The following TBC1D9B variants were observed in gnomAD, a reference collection of about 807,000 sequenced individuals.
TBC1D9B encodes the protein TBC1 domain family member 9B, also known as TBC1 domain family, member 9B (with GRAM domain).
Under a neutral mutation model 121.1 loss-of-function variants are expected in TBC1D9B, and 87 were observed. The observed-to-expected ratio is 0.72, with a 90% CI of 0.60 to 0.86. TBC1D9B has a LOEUF of 0.86. Ranked by LOEUF, TBC1D9B falls within the 40% of genes least tolerant of loss-of-function variation. The pLI is 0.00. For synonymous variants in TBC1D9B, 668 were observed against 670.1 expected (o/e 1.00, Z 0.05); for missense variants, 1,540 against 1,628.6 (o/e 0.95, Z 0.94).
At position 179,865,268 on chromosome 5, in the gene TBC1D9B, G is replaced by T. The variant is rs772208263; in HGVS notation, c.3007C>A (p.Pro1003Thr). 1 of 1,614,156 alleles carries T rather than the reference G, an allele frequency of 6.2e-7. No homozygotes were observed. Among genetic ancestry groups the T allele is most frequent in the South Asian group, 1.1e-5 (1 of 91,082 alleles). The change falls in exon 20 of 21, where the codon CCC (proline) becomes ACC (threonine). Residue 1003 changes from proline to threonine, a missense_variant. Pro to Thr is a conservative substitution (Grantham distance 38). Transcript: ENST00000355235. This position sits in a 1 kb window ranked among gnomAD's most constrained non-coding sequence, Gnocchi z 5.1. ...GTGGAGCCTACCTGGTTCATCTTGG[G>T]AAGATCCTTAATCGTCTCCTTCTGA... ...EAQKETIKDL[P>T]KMNQEQFIEL...
At chr5:179,889,579 G>A (rs371186935) in intron 6 of TBC1D9B, among the ~76,000 whole-genome samples, 1 of 152,010 alleles carries the variant, frequency 6.6e-6, no homozygotes, top group Non-Finnish European at 1.5e-5. Flanking sequence ...GCCATAAAGG[G>A]GCTAAGTGTG....
In TBC1D9B at chr5:179,865,930, G is replaced by A. The variant is rs781753394; in HGVS notation, c.2864-42C>T. The stretch of plus-strand genomic sequence containing the variant: ...ATAAAAAGAACATGAATAACATTCT[G>A]CTGTTGGGACTGCAAGCTCCTGGGG... On this transcript the variant is annotated intron_variant, in intron 18 of 20. Transcript: ENST00000355235. The surrounding 1 kb of genome is among the most constrained non-coding windows in gnomAD (Gnocchi z 5.1). 6.2e-6 allele frequency: 10 copies of A among 1,612,208 alleles called. No homozygotes were observed. Among genetic ancestry groups the A allele is most frequent in the Non-Finnish European group, 8.5e-6 (10 of 1,178,514 alleles).
In TBC1D9B at chr5:179,904,648, C is replaced by A; in HGVS notation, c.229+54G>T. The stretch of plus-strand genomic sequence containing the variant: ...GCTACACACCCCTTCCTCTCGGCAA[C>A]GGCCCTTCCAGGGCAGGCCCTGCCC... On this transcript the variant is annotated intron_variant, in intron 2 of 20. Coordinates refer to ENST00000355235, the MANE Select transcript of TBC1D9B (RefSeq NM_015043.4). The surrounding 1 kb of genome is among the most constrained non-coding windows in gnomAD (Gnocchi z 4.2). 6.8e-7 allele frequency: 1 copy of A among 1,476,484 alleles called. No individual in the cohort carries two copies. Among genetic ancestry groups the A allele is most frequent in the Non-Finnish European group, 9.2e-7 (1 of 1,082,530 alleles). 91.5% of individuals were successfully genotyped at this position (1,476,484 alleles called of 1,614,324 possible).
Position 179,865,738 on chromosome 5 carries a change from G to A in TBC1D9B, c.2914+100C>T, listed in dbSNP as rs189873311. 3.4e-5 allele frequency: 46 copies of A among 1,355,088 alleles called. No homozygotes were observed. In the South Asian group the frequency reaches 5.0e-4, roughly 15 times the overall value. 83.9% of individuals were successfully genotyped at this position (1,355,088 alleles called of 1,614,324 possible). A position where few individuals can be genotyped will look rare whatever the true frequency, so the allele number is the denominator to read the frequency against. ...TCGGGGGACGCATCCGCCATCTCCC[G>A]GGGTAGGGGGCTCCCTGGCAGTGAC... On this transcript the variant is annotated intron_variant, in intron 19 of 20. Transcript: ENST00000355235. This position sits in a 1 kb window ranked among gnomAD's most constrained non-coding sequence, Gnocchi z 5.1.
chr5:179,886,216 A>C (rs1163153135), intron 7 of TBC1D9B, among the ~76,000 whole-genome samples: 3 of 152,100 alleles, frequency 2.0e-5, no homozygotes, highest in Admixed American at 1.3e-4. Flanking sequence ...GACATATTGT[A>C]TGTTTATTTG....
intron 7 of TBC1D9B, among the ~76,000 whole-genome samples, chr5:179,880,382 G>A (rs1053060499): frequency 6.6e-6 from 1 of 152,202 alleles, no homozygotes; most frequent in Non-Finnish European, 1.5e-5. Context: ...GTGGGGGAGA[G>A]CCCAGCTCGA....
chr5:179,878,619 A>G, intron 9 of TBC1D9B, 96 bp from the exon 10 acceptor site: 1 of 1,221,266 alleles, frequency 8.2e-7, no homozygotes, highest in Non-Finnish European at 1.2e-6. Flanking sequence ...CCCACAGAGG[A>G]GAGGTGGGAC....
At chr5:179,877,679 A>G (rs113192924) in intron 10 of TBC1D9B, among the ~76,000 whole-genome samples, 17 of 149,828 alleles carry the variant, frequency 1.1e-4, no homozygotes, top group South Asian at 2.1e-4. Flanking sequence ...AAAAAAAAAA[A>G]AAAAGAAAAG....
chr5:179,895,262 G>C (rs1760986363), intron 3 of TBC1D9B, among the ~76,000 whole-genome samples: 2 of 152,214 alleles, frequency 1.3e-5, no homozygotes, highest in Non-Finnish European at 2.9e-5. Flanking sequence ...TGTGTATTCA[G>C]TGAAAAGGGA....
rs1485229764 is a variant in TBC1D9B, at chr5:179,875,452, G to A, written c.1901-265C>T. Among the ~76,000 whole-genome samples, 1 of 152,208 alleles carries A rather than the reference G, an allele frequency of 6.6e-6. No individual in the cohort carries two copies. Among genetic ancestry groups the A allele is most frequent in the Non-Finnish European group, 1.5e-5 (1 of 68,032 alleles). On this transcript the variant is annotated intron_variant, in intron 11 of 20. Transcript: ENST00000355235. This position sits in a 1 kb window ranked among gnomAD's most constrained non-coding sequence, Gnocchi z 4.5. ...ATACTGATTTCTCCGTAAGGCATGAGAGGTAAACAGCACCCTCAATGACTC... is the reference window on the plus strand; with the variant it reads ...ATACTGATTTCTCCGTAAGGCATGAAAGGTAAACAGCACCCTCAATGACTC...
Position 179,894,608 on chromosome 5 carries a change from T to C in TBC1D9B, c.355A>G (p.Ile119Val). The change falls in exon 4 of 21, where the codon ATC becomes GTC. Residue 119 changes from isoleucine (I) to valine (V), a missense_variant. Ile to Val is a conservative substitution (Grantham distance 29, BLOSUM62 3). Coordinates refer to ENST00000355235, the MANE Select transcript of TBC1D9B (RefSeq NM_015043.4). ...TGCAGGTTCTTGTTCTCTTCTGCGA[T>C]GATTCCCTGGAGGAAGGCAAGAGGA... ...TFVKGKIHGI[I>V]AEENKNLQPQ... 1 of 1,614,176 alleles carries C rather than the reference T, an allele frequency of 6.2e-7. No homozygotes were observed.
At chr5:179,872,848 G>GGCCCCCCCCCCCCCCCCCCCCCCCCCCCC in intron 14 of TBC1D9B, 44 bp downstream of exon 14, 1 of 1,457,256 alleles carries the variant, frequency 6.9e-7, no homozygotes, top group East Asian at 2.4e-5. Context: ...AGGCACTGCT[G>GGCCCCCCCCCCCCCCCCCCCCCCCCCCCC]CCCCCCCAGC....
intron 6 of TBC1D9B, among the ~76,000 whole-genome samples, chr5:179,888,790 C>T (rs946912714): frequency 4.6e-5 from 7 of 152,116 alleles, no homozygotes; most frequent in South Asian, 4.1e-4. Context: ...GGCAGGGAGA[C>T]GGACGAGGGA....
At chr5:179,896,592 G>A (rs1282805323) in intron 3 of TBC1D9B, among the ~76,000 whole-genome samples, 1 of 151,980 alleles carries the variant, frequency 6.6e-6, no homozygotes, top group African/African-American at 2.4e-5. Context: ...GCGCAATCTT[G>A]GCTCACTGCA....
chr5:179,896,230 AAT>A (rs1239651395), intron 3 of TBC1D9B, among the ~76,000 whole-genome samples: 1 of 152,198 alleles, frequency 6.6e-6, no homozygotes, highest in Non-Finnish European at 1.5e-5. Context: ...TTCTCCCATG[AAT>A]ATATGAGATA....
chr5:179,889,152 C>T (rs1760785097), intron 6 of TBC1D9B, among the ~76,000 whole-genome samples: 2 of 152,036 alleles, frequency 1.3e-5, no homozygotes, highest in Non-Finnish European at 2.9e-5. Context: ...GCCTCAGCCT[C>T]CCAAGTAGCT....
chr5:179,876,557 G>T (rs1760365056), intron 10 of TBC1D9B, among the ~76,000 whole-genome samples: 1 of 152,166 alleles, frequency 6.6e-6, no homozygotes, highest in South Asian at 2.1e-4. Flanking sequence ...CAAACAGAAA[G>T]CCATATGACT....
At chr5:179,866,195 G>C in intron 18 of TBC1D9B, 2 of 336,212 alleles carry the variant, frequency 5.9e-6, no homozygotes, top group Non-Finnish European at 1.1e-5. Context: ...AATGATGAGG[G>C]CTATAGACCA....
intron 18 of TBC1D9B, 166 bp from the exon 19 acceptor site, chr5:179,866,054 C>A: frequency 1.4e-6 from 1 of 723,686 alleles, no homozygotes; most frequent in South Asian, 1.7e-5. Flanking sequence ...CCGCCCAGCC[C>A]CGCCCTATGG....
Sources: allele counts gnomAD v4.1 joint callset (sites outside exome capture counted in the v4.1 genomes callset), GRCh38; gene constraint gnomAD v4.1.1; non-coding constraint Gnocchi (gnomAD v3.1); transcripts MANE v1.5; gene names NCBI Gene and HGNC (gene_info 2026-07-23, HGNC 2026-07-21).